The following PPP2CA variants were observed in gnomAD, a reference collection of about 807,000 sequenced individuals.
The protein encoded by PPP2CA is serine/threonine-protein phosphatase 2A catalytic subunit alpha isoform.
In PPP2CA, 5 loss-of-function variants were observed where a neutral mutation model predicts 38.8. The observed-to-expected ratio is 0.13, with a 90% CI of 0.07 to 0.27. PPP2CA has a LOEUF of 0.27. PPP2CA is among the 10% of genes least tolerant of loss of function. The pLI, the probability that PPP2CA is intolerant of heterozygous loss-of-function variation, is 1.00. For synonymous variants in PPP2CA, 152 were observed against 134.0 expected, an observed-to-expected ratio of 1.13 and a Z score of -0.93; for missense variants, 88 against 389.7, an observed-to-expected ratio of 0.23 and a Z score of 6.52.
rs185214042 is a variant in PPP2CA at position 134,203,236 on chromosome 5, C to A, written c.313-1215G>T. ...GTTATATCTAAGAATCTTTAACTAA[C>A]CTGACAAAGATTTTCTGATTTATTC... On this transcript the variant is annotated intron_variant, in intron 2 of 6. Transcript: ENST00000481195. Among the ~76,000 whole-genome samples, 8 of 152,140 alleles carry A rather than the reference C, an allele frequency of 5.3e-5. No individual in the cohort carries two copies. The East Asian group carries it at 1.5e-3, about 29-fold the overall frequency.
At chr5:134,224,276 TAAAG>T (rs1438898942) in intron 1 of PPP2CA, 6 of 455,608 alleles carry the variant, frequency 1.3e-5, no homozygotes, top group Non-Finnish European at 2.6e-5. Context: ...CGTGAGAGGG[TAAAG>T]AAACAGGAGA....
In PPP2CA at chr5:134,225,544, G is replaced by C. The variant is rs1762553679; in HGVS notation, c.102+216C>G. The C allele has an allele frequency of 2.9e-5, 14 of 486,220 alleles. No homozygotes were observed. The East Asian group carries it at 4.7e-4, about 16-fold the overall frequency. 30.1% of individuals were successfully genotyped at this position (486,220 alleles called of 1,614,324 possible). A position where few individuals can be genotyped will look rare whatever the true frequency, so the allele number is the denominator to read the frequency against. ...TCAAAAGCCCAGGAGTCGAGTGAAC[G>C]GCGCCATTTTAGGCGGCGGCGGCAA... On this transcript the variant is annotated intron_variant, in intron 1 of 6. Coordinates refer to ENST00000481195, the MANE Select transcript of PPP2CA (RefSeq NM_002715.4).
At chr5:134,201,487 T>C (rs778591111) in intron 3 of PPP2CA, among the ~76,000 whole-genome samples, 6 of 152,216 alleles carry the variant, frequency 3.9e-5, no homozygotes, top group Non-Finnish European at 8.8e-5. Flanking sequence ...CAGAGACTAG[T>C]ATCTTCATAC....
At position 134,220,456 on chromosome 5, in the gene PPP2CA, C is replaced by CAGAAAAA. The variant is rs1554113716; in HGVS notation, c.102+5303_102+5304insTTTTTCT. 2.2e-4 allele frequency among the ~76,000 whole-genome samples: 12 copies of CAGAAAAA among 54,048 alleles called. 1 individual carries two copies. Among genetic ancestry groups the CAGAAAAA allele is most frequent in the Non-Finnish European group, 3.3e-4 (10 of 30,626 alleles). The allele number at this position is 54,048 out of a possible 152,430, so 35.5% of individuals were successfully genotyped here. On this transcript the variant is annotated intron_variant, in intron 1 of 6. Transcript: ENST00000481195. ...CCTGGGCGACTGTGAGACTCTATCT[C>CAGAAAAA]AAAAAAAAAAAAAAAAAAAAAAGCC...
At chr5:134,207,358 T>G (rs544370027) in intron 1 of PPP2CA, among the ~76,000 whole-genome samples, 74 of 152,238 alleles carry the variant, frequency 4.9e-4, no homozygotes, top group Non-Finnish European at 1.3e-4. Context: ...TGAGCCAAGA[T>G]CGCATCACTG....
At chr5:134,206,539 C>A (rs1482960102) in intron 1 of PPP2CA, among the ~76,000 whole-genome samples, 2 of 152,012 alleles carry the variant, frequency 1.3e-5, no homozygotes, top group Non-Finnish European at 2.9e-5. Context: ...CATTTTGTCA[C>A]CCAGGCTGGA....
At chr5:134,205,851 T>G (rs1016918981) in intron 2 of PPP2CA, 71 bp downstream of exon 2, 12 of 1,298,344 alleles carry the variant, frequency 9.2e-6, no homozygotes, top group Admixed American at 1.9e-5. Context: ...AGAAAATAAC[T>G]GGGGGAAAAA....
chr5:134,219,017 T>C (rs923706749), intron 1 of PPP2CA, among the ~76,000 whole-genome samples: 1 of 152,154 alleles, frequency 6.6e-6, no homozygotes, highest in African/African-American at 2.4e-5. Context: ...TTCTACCCCA[T>C]CCTAAAGCAT....
chr5:134,209,476 T>C (rs1380038221), intron 1 of PPP2CA, among the ~76,000 whole-genome samples: 1 of 152,196 alleles, frequency 6.6e-6, no homozygotes, highest in Non-Finnish European at 1.5e-5. Context: ...GATGTTCATA[T>C]AAAAGATCAT....
At chr5:134,221,933 A>C (rs1762453441) in intron 1 of PPP2CA, among the ~76,000 whole-genome samples, 1 of 149,048 alleles carries the variant, frequency 6.7e-6, no homozygotes, top group African/African-American at 2.5e-5. Context: ...GCGCCACTGC[A>C]CTCCAGACTG....
intron 1 of PPP2CA, among the ~76,000 whole-genome samples, chr5:134,214,281 T>C (rs899814240): frequency 6.6e-6 from 1 of 152,244 alleles, no homozygotes; most frequent in South Asian, 2.1e-4. Context: ...TACTTATAAT[T>C]GACTGGCATC....
intron 1 of PPP2CA, 92 bp downstream of exon 1, chr5:134,225,668 C>A: frequency 3.4e-6 from 4 of 1,173,370 alleles, no homozygotes; most frequent in Non-Finnish European, 4.7e-6. Context: ...CCCGGACCGG[C>A]GGCCTCCGCC....
At chr5:134,212,692 A>T (rs1208191995) in intron 1 of PPP2CA, among the ~76,000 whole-genome samples, 1 of 152,256 alleles carries the variant, frequency 6.6e-6, no homozygotes, top group Non-Finnish European at 1.5e-5. Flanking sequence ...TTCTTGCACC[A>T]AACTGCTAAG....
intron 1 of PPP2CA, among the ~76,000 whole-genome samples, chr5:134,219,630 C>T (rs986998549): frequency 6.6e-5 from 10 of 152,198 alleles, no homozygotes; most frequent in East Asian, 3.8e-4. Flanking sequence ...CAGATATACA[C>T]GCATCTGTGT....
chr5:134,208,454 G>C (rs1008805525), intron 1 of PPP2CA, among the ~76,000 whole-genome samples: 1 of 151,798 alleles, frequency 6.6e-6, no homozygotes, highest in Non-Finnish European at 1.5e-5. Context: ...AAAAAATTTC[G>C]GCACAGATAA....
At position 134,225,930 on chromosome 5, in the gene PPP2CA, A is replaced by C; in HGVS notation, c.-69T>G. On this transcript the variant is annotated 5_prime_UTR_variant, in exon 1 of 7. Transcript: ENST00000481195. ...CGCCGCCGCCCGCACACGGGCCTAC[A>C]CGCACACGCCGCCGCCGGTTCCTCG... 3 of 1,405,298 alleles carry C rather than the reference A, an allele frequency of 2.1e-6. No homozygotes were observed. The highest frequency in any genetic ancestry group is 1.2e-5 in the South Asian group (1 of 84,780). 87.1% of individuals were successfully genotyped at this position (1,405,298 alleles called of 1,614,324 possible). A position where few individuals can be genotyped will look rare whatever the true frequency, so the allele number is the denominator to read the frequency against.
chr5:134,202,181 T>G, intron 2 of PPP2CA, 160 bp from the exon 3 acceptor site: 1 of 662,826 alleles, frequency 1.5e-6, no homozygotes, highest in Non-Finnish European at 2.4e-6. Flanking sequence ...TACAGAATTT[T>G]TAAATGCCCA....
chr5:134,203,066 T>G lies in PPP2CA; in HGVS notation c.313-1045A>C, dbSNP rs548797921. The stretch of plus-strand genomic sequence containing the variant: ...TCAAATATTTTGCCCATTTTACAAT[T>G]ATCTGTCTTGTTATTGAGCTGTAAA... On this transcript the variant is annotated intron_variant, in intron 2 of 6. Coordinates refer to ENST00000481195, the MANE Select transcript of PPP2CA (RefSeq NM_002715.4). Among the ~76,000 whole-genome samples, 5 of 152,334 alleles carry G rather than the reference T, an allele frequency of 3.3e-5. No homozygotes were observed. In the South Asian group the frequency reaches 1.0e-3, roughly 32 times the overall value.
rs530443715 is a variant in PPP2CA at position 134,212,779 on chromosome 5, A to C, written c.103-6648T>G. ...TGAACACACAAATAGTAAGTAAGCC[A>C]AACAGTCTTATTGCAGATACGGACA... On this transcript the variant is annotated intron_variant, in intron 1 of 6. Coordinates refer to ENST00000481195, the MANE Select transcript of PPP2CA (RefSeq NM_002715.4). 2.5e-4 allele frequency among the ~76,000 whole-genome samples: 38 copies of C among 152,382 alleles called. 1 individual carries two copies. In the South Asian group the frequency reaches 7.7e-3, roughly 31 times the overall value.
Sources: allele counts gnomAD v4.1 joint callset (sites outside exome capture counted in the v4.1 genomes callset), GRCh38; gene constraint gnomAD v4.1.1; transcripts MANE v1.5; gene names NCBI Gene and HGNC (gene_info 2026-07-23, HGNC 2026-07-21).